INSC: variants seen among roughly 807,000 people sequenced by gnomAD.
INSC encodes the protein INSC spindle orientation adaptor protein.
A neutral mutation model predicts 58.6 loss-of-function variants in INSC; 67 were observed. The observed-to-expected ratio is 1.14, with a 90% CI of 0.94 to 1.40. The LOEUF (loss-of-function observed/expected upper bound fraction) is 1.40, where lower values mean the gene tolerates loss of function less well. Ranked by LOEUF, INSC falls within the 40% of genes most tolerant of loss-of-function variation. INSC has a pLI of 0.00. For missense variants in INSC, 714 were observed against 692.0 expected, an observed-to-expected ratio of 1.03 and a Z score of -0.36; for synonymous variants, 262 against 276.1, an observed-to-expected ratio of 0.95 and a Z score of 0.51.
At chr11:15,194,634 A>T (rs1273771630) in intron 6 of INSC, among the ~76,000 whole-genome samples, 1 of 152,192 alleles carries the variant, frequency 6.6e-6, no homozygotes, top group Non-Finnish European at 1.5e-5. Flanking sequence ...TCTTTAATGC[A>T]TTATATAATT....
chr11:15,188,107 G>C, intron 5 of INSC: 17 of 867,012 alleles, frequency 2.0e-5, no homozygotes, highest in Non-Finnish European at 2.4e-5. Flanking sequence ...GCTGTGCTCA[G>C]TTATAGCTTG....
intron 6 of INSC, among the ~76,000 whole-genome samples, chr11:15,196,130 A>T (rs1394063525): frequency 6.6e-6 from 1 of 152,120 alleles, no homozygotes; most frequent in Non-Finnish European, 1.5e-5. Context: ...ATTTCAAATA[A>T]TCCTTTGATT....
chr11:15,146,520 C>T (rs113574593), intron 1 of INSC, among the ~76,000 whole-genome samples: 3 of 152,308 alleles, frequency 2.0e-5, no homozygotes, highest in African/African-American at 7.2e-5. Context: ...GGCAGCTCCC[C>T]CTGCATAACT....
At chr11:15,227,890 A>G (rs1017924760) in intron 9 of INSC, among the ~76,000 whole-genome samples, 7 of 152,140 alleles carry the variant, frequency 4.6e-5, no homozygotes, top group African/African-American at 2.4e-5. Context: ...GTCATTTCCT[A>G]CAAGATCCAG....
chr11:15,140,863 G>T (rs149054075), intron 1 of INSC, among the ~76,000 whole-genome samples: 5 of 152,194 alleles, frequency 3.3e-5, no homozygotes, highest in Non-Finnish European at 5.9e-5. Context: ...GGGATTGCAG[G>T]TGTGAGCCAC....
At chr11:15,254,002 A>G in the INSC span, among the ~76,000 whole-genome samples, 3 of 152,230 alleles carry the variant, frequency 2.0e-5, no homozygotes, top group Non-Finnish European at 2.9e-5. Context: ...CAGTGGCTCC[A>G]TTTGAAATTC....
the INSC span, among the ~76,000 whole-genome samples, chr11:15,252,432 A>G: frequency 6.6e-6 from 1 of 152,266 alleles, no homozygotes; most frequent in Non-Finnish European, 1.5e-5. Flanking sequence ...GATCATGTGA[A>G]GACACAAATA....
intron 5 of INSC, 69 bp downstream of exon 5, chr11:15,178,516 G>T: frequency 6.5e-7 from 1 of 1,545,988 alleles, no homozygotes; most frequent in Non-Finnish European, 8.7e-7. Context: ...AGAAAGAGGG[G>T]CTGAGCCAGG....
intron 2 of INSC, among the ~76,000 whole-genome samples, chr11:15,174,572 A>G (rs756880421): frequency 5.2e-4 from 79 of 152,294 alleles, no homozygotes; most frequent in Middle Eastern, 3.4e-3. Flanking sequence ...GTGGCAGGTG[A>G]AGAATGTTTG....
intron 8 of INSC, among the ~76,000 whole-genome samples, chr11:15,223,841 T>C (rs1003428134): frequency 6.6e-6 from 1 of 152,182 alleles, no homozygotes; most frequent in Non-Finnish European, 1.5e-5. Flanking sequence ...TCCTGGGTGG[T>C]TGGATCAAGA....
At position 15,176,059 on chromosome 11, in the gene INSC, C is replaced by T; in HGVS notation, c.375C>T (p.Ser125=). 1 of 1,540,290 alleles carries T rather than the reference C, an allele frequency of 6.5e-7. No individual in the cohort carries two copies. The highest frequency in any genetic ancestry group is 8.8e-7 in the Non-Finnish European group (1 of 1,134,282). ...TGGTCAGCGAGTACAGTGCTGTCAG[C>T]AGGAACTCCTTGAAGGAAATGGGCG... The part of the protein sequence containing the change: ...RSMVSEYSAV[S]RNSLKEMGEI... The change falls in exon 3 of 13, where the codon AGC becomes AGT. Residue 125 remains serine (S), a synonymous_variant. Transcript: ENST00000379556.
At chr11:15,117,247 T>G (rs984461414) in intron 1 of INSC, among the ~76,000 whole-genome samples, 5 of 151,902 alleles carry the variant, frequency 3.3e-5, no homozygotes, top group African/African-American at 1.2e-4. Context: ...TGGCCTGAGT[T>G]TCTTCTTTCT....
At chr11:15,186,158 A>C (rs981508723) in intron 5 of INSC, among the ~76,000 whole-genome samples, 13 of 152,126 alleles carry the variant, frequency 8.5e-5, no homozygotes, top group African/African-American at 3.1e-4. Flanking sequence ...TGAGTCCACG[A>C]GGGTCAGTAC....
At chr11:15,249,012 C>A (rs539334157), downstream of INSC, among the ~76,000 whole-genome samples, 1 of 152,032 alleles carries the variant, frequency 6.6e-6, no homozygotes, top group Non-Finnish European at 1.5e-5. Flanking sequence ...AGGGCTTATC[C>A]GGTGGGAGCC....
At chr11:15,170,442 T>C (rs547407581) in intron 2 of INSC, among the ~76,000 whole-genome samples, 1 of 152,258 alleles carries the variant, frequency 6.6e-6, no homozygotes, top group South Asian at 2.1e-4. Context: ...TTTTGTAGAA[T>C]GTCCCTCAGT....
chr11:15,162,292 T>C (rs997372737), intron 2 of INSC, among the ~76,000 whole-genome samples: 25 of 152,298 alleles, frequency 1.6e-4, no homozygotes, highest in African/African-American at 6.0e-4. Flanking sequence ...TAGCCACACT[T>C]ATCTCCATAC....
intron 12 of INSC, among the ~76,000 whole-genome samples, chr11:15,243,322 G>A (rs941853661): frequency 7.2e-5 from 11 of 152,182 alleles, no homozygotes; most frequent in African/African-American, 2.7e-4. Flanking sequence ...GGTAGAGGGA[G>A]GAAGTTTCAC....
At chr11:15,199,430 C>A (rs1403901992) in intron 6 of INSC, among the ~76,000 whole-genome samples, 2 of 152,170 alleles carry the variant, frequency 1.3e-5, no homozygotes, top group African/African-American at 4.8e-5. Context: ...ATGAGCCTAT[C>A]ATTTTGGGGT....
chr11:15,142,670 T>G (rs950211430), intron 1 of INSC, among the ~76,000 whole-genome samples: 1 of 152,122 alleles, frequency 6.6e-6, no homozygotes. Context: ...GAGAACTTGA[T>G]GAACACAGAG....
Sources: gnomAD v4.1 joint callset for allele counts (sites outside exome capture counted in the v4.1 genomes callset) on GRCh38, gnomAD v4.1.1 for gene constraint, MANE v1.5 for transcripts, NCBI Gene and HGNC (gene_info 2026-07-23, HGNC 2026-07-21) for gene names.